The following SLC35D2 variants were observed in gnomAD, a reference collection of about 807,000 sequenced individuals.
The protein encoded by SLC35D2 is solute carrier family 35 member D2.
Under a neutral mutation model 41.8 loss-of-function variants are expected in SLC35D2, and 43 were observed. The observed-to-expected ratio is 1.03, with a 90% CI of 0.81 to 1.33. The LOEUF is 1.33. Ranked by LOEUF, SLC35D2 falls within the 40% of genes most tolerant of loss-of-function variation. The pLI, the probability that SLC35D2 is intolerant of heterozygous loss-of-function variation, is 0.00. For synonymous variants in SLC35D2, 150 were observed against 163.9 expected (o/e 0.92, Z 0.65); for missense variants, 380 against 408.4 (o/e 0.93, Z 0.60).
At position 96,371,474 on chromosome 9, in the gene SLC35D2, C is replaced by CAAAAAAAAAAAA. The variant is rs539576375; in HGVS notation, c.159-3181_159-3170dup. On this transcript the variant is annotated intron_variant, in intron 1 of 11. Transcript: ENST00000253270. ...TGGGTGACAGAGCGAGACTCTGTCTCAAAAAAAAAAAAAAAAAAAAAAAAA... is the reference window on the plus strand; with the variant it reads ...TGGGTGACAGAGCGAGACTCTGTCTCAAAAAAAAAAAAAAAAAAAAAAAAAAAAAAAAAAAAA... Among the ~76,000 whole-genome samples the CAAAAAAAAAAAA allele has an allele frequency of 7.2e-3, 336 of 46,616 alleles. 22 individuals are homozygous for CAAAAAAAAAAAA. The highest frequency in any genetic ancestry group is 9.5e-3 in the Non-Finnish European group (250 of 26,330). The allele number at this position is 46,616 out of a possible 152,430, so 30.6% of individuals were successfully genotyped here.
At chr9:96,333,869 G>A (rs1226196168) in intron 9 of SLC35D2, among the ~76,000 whole-genome samples, 2 of 152,204 alleles carry the variant, frequency 1.3e-5, no homozygotes, top group African/African-American at 4.8e-5. Flanking sequence ...CCTGTTCACA[G>A]AGGAATATGG....
chr9:96,340,434 T>C (rs1417186099), intron 8 of SLC35D2, among the ~76,000 whole-genome samples: 2 of 151,722 alleles, frequency 1.3e-5, no homozygotes, highest in Non-Finnish European at 2.9e-5. Flanking sequence ...CTGGCCAACA[T>C]GGTGAAACCC....
At chr9:96,319,405 C>G (rs1408160449), downstream of SLC35D2, among the ~76,000 whole-genome samples, 1 of 152,046 alleles carries the variant, frequency 6.6e-6, no homozygotes, top group Non-Finnish European at 1.5e-5. Context: ...TGAAAAAGTT[C>G]TAGAGGTAGG....
At chr9:96,345,157 A>T (rs1245839082) in intron 7 of SLC35D2, 142 bp downstream of exon 7, 2 of 551,790 alleles carry the variant, frequency 3.6e-6, no homozygotes, top group Non-Finnish European at 3.2e-6. Context: ...ACTTATACAG[A>T]CAAGATAATT....
chr9:96,335,810 T>C (rs1303011555), intron 9 of SLC35D2, among the ~76,000 whole-genome samples: 1 of 151,776 alleles, frequency 6.6e-6, no homozygotes, highest in Non-Finnish European at 1.5e-5. Flanking sequence ...TCCCAGCACT[T>C]TGGGAGGCTG....
In SLC35D2 at chr9:96,360,229, T is replaced by G. The variant is rs1564116186; in HGVS notation, c.280-8A>C. The G allele has an allele frequency of 9.5e-7, 1 of 1,057,302 alleles. No individual in the cohort carries two copies. Among genetic ancestry groups the G allele is most frequent in the Non-Finnish European group, 1.3e-6 (1 of 778,376 alleles). 65.5% of individuals were successfully genotyped at this position (1,057,302 alleles called of 1,614,324 possible). A position where few individuals can be genotyped will look rare whatever the true frequency, so the allele number is the denominator to read the frequency against. ...GAGAGGCAGAGGAAACAGCTTCCAT[T>G]AAAAAAAAAAGAAGAAATATTTGGT... On this transcript the variant is annotated splice_polypyrimidine_tract_variant and splice_region_variant and intron_variant, in intron 3 of 11. Transcript: ENST00000253270.
chr9:96,377,513 G>A (rs1056204742), intron 1 of SLC35D2, among the ~76,000 whole-genome samples: 5 of 152,132 alleles, frequency 3.3e-5, no homozygotes, highest in Non-Finnish European at 7.3e-5. Context: ...GCAAAACCTC[G>A]AACCTTCTCT....
At chr9:96,382,914 G>A (rs961457335) in intron 1 of SLC35D2, among the ~76,000 whole-genome samples, 2 of 152,174 alleles carry the variant, frequency 1.3e-5, no homozygotes, top group African/African-American at 2.4e-5. Flanking sequence ...TCTCAGTGCC[G>A]CTACAATGGT....
intron 9 of SLC35D2, among the ~76,000 whole-genome samples, chr9:96,330,259 C>T (rs1462373664): frequency 6.6e-6 from 1 of 152,238 alleles, no homozygotes; most frequent in Non-Finnish European, 1.5e-5. Flanking sequence ...CAAATCCTCC[C>T]CACCTGGTCC....
intron 1 of SLC35D2, among the ~76,000 whole-genome samples, chr9:96,380,324 G>T (rs1831143003): frequency 6.6e-6 from 1 of 152,140 alleles, no homozygotes; most frequent in Admixed American, 6.5e-5. Context: ...GGTTTTGGAG[G>T]TGTTGACTGC....
At chr9:96,360,756 T>A (rs1378213592) in intron 3 of SLC35D2, among the ~76,000 whole-genome samples, 1 of 152,076 alleles carries the variant, frequency 6.6e-6, no homozygotes, top group Non-Finnish European at 1.5e-5. Context: ...TTATTTATTT[T>A]TTGAGACAGA....
At position 96,321,191 on chromosome 9, in the gene SLC35D2, G is replaced by T. The variant is rs768357748; in HGVS notation, c.*51C>A. 3.7e-6 allele frequency: 5 copies of T among 1,360,474 alleles called. No homozygotes were observed. The highest frequency in any genetic ancestry group is 4.2e-6 in the Non-Finnish European group (4 of 955,396). The allele number at this position is 1,360,474 out of a possible 1,614,324, so 84.3% of individuals were successfully genotyped here. A position where few individuals can be genotyped will look rare whatever the true frequency, so the allele number is the denominator to read the frequency against. On this transcript the variant is annotated 3_prime_UTR_variant, in exon 12 of 12. Coordinates refer to ENST00000253270, the MANE Select transcript of SLC35D2 (RefSeq NM_007001.3). ...CTGGCTTCACATTCCTACTGGGAAT[G>T]CCCCCCCAGCCCGCAGTCACAAGTC...
intron 9 of SLC35D2, among the ~76,000 whole-genome samples, chr9:96,330,081 A>C (rs72603671): frequency 0.13 from 20,299 of 152,314 alleles, 1,809 homozygotes; most frequent in East Asian, 0.28. Flanking sequence ...TCCTGACCAC[A>C]GACTGCTGGT....
At chr9:96,367,828 C>T (rs1830536111) in intron 2 of SLC35D2, among the ~76,000 whole-genome samples, 1 of 151,978 alleles carries the variant, frequency 6.6e-6, no homozygotes, top group Non-Finnish European at 1.5e-5. Flanking sequence ...CCTTCTGATG[C>T]TAATAATAAG....
At chr9:96,317,015 G>T (rs994431788), downstream of SLC35D2, among the ~76,000 whole-genome samples, 5 of 151,996 alleles carry the variant, frequency 3.3e-5, no homozygotes, top group East Asian at 5.8e-4. Context: ...GCGGGCGCCT[G>T]TAGTCCCAGC....
intron 1 of SLC35D2, among the ~76,000 whole-genome samples, chr9:96,377,183 G>C (rs575654383): frequency 6.6e-6 from 1 of 151,658 alleles, no homozygotes; most frequent in Non-Finnish European, 1.5e-5. Context: ...TCTCGGAGAG[G>C]TGCAGTTACT....
chr9:96,338,397 G>A (rs975849545), intron 8 of SLC35D2, among the ~76,000 whole-genome samples: 1 of 151,868 alleles, frequency 6.6e-6, no homozygotes, highest in African/African-American at 2.4e-5. Context: ...GGATACACAT[G>A]ACAAAAATTA....
At chr9:96,357,477 G>A (rs545459822) in intron 4 of SLC35D2, 2 of 152,234 alleles carry the variant, frequency 1.3e-5, no homozygotes, top group South Asian at 4.1e-4. Context: ...TGAGGCCACA[G>A]TGAGCCATGA....
intron 1 of SLC35D2, among the ~76,000 whole-genome samples, chr9:96,381,997 G>T (rs1490055586): frequency 6.6e-6 from 1 of 152,128 alleles, no homozygotes; most frequent in African/African-American, 2.4e-5. Context: ...GTTTATTCAT[G>T]AACCTACCTG....
Sources: gnomAD v4.1 joint callset for allele counts (sites outside exome capture counted in the v4.1 genomes callset) on GRCh38, gnomAD v4.1.1 for gene constraint, MANE v1.5 for transcripts, NCBI Gene and HGNC (gene_info 2026-07-23, HGNC 2026-07-21) for gene names.